Variants in ROBO2 observed in about 807,000 individuals in gnomAD.
ROBO2 encodes roundabout homolog 2.
Under a neutral mutation model 160.8 loss-of-function variants are expected in ROBO2, and 53 were observed. The ratio of observed to expected loss-of-function variants is 0.33; its 90% CI spans 0.26 to 0.41. The LOEUF is 0.41. Among genes scored for constraint, ROBO2 ranks in the 10% least tolerant of loss-of-function variants. The pLI is 1.00. For synonymous variants in ROBO2, 664 were observed against 611.7 expected, an observed-to-expected ratio of 1.09 and a Z score of -1.26; for missense variants, 1,577 against 1,722.4, an observed-to-expected ratio of 0.92 and a Z score of 1.49.
At chr3:76,157,014 T>C (rs1484054636) in intron 2 of ROBO2, among the ~76,000 whole-genome samples, 1 of 152,040 alleles carries the variant, frequency 6.6e-6, no homozygotes, top group African/African-American at 2.4e-5. Flanking sequence ...CAGTTGTAAT[T>C]AAAGTATGTG....
chr3:76,784,462 T>C (rs1387386874), intron 2 of ROBO2, among the ~76,000 whole-genome samples: 1 of 151,150 alleles, frequency 6.6e-6, no homozygotes, highest in African/African-American at 2.4e-5. Context: ...CCTAATGCAT[T>C]TAAACTAGCA....
At chr3:76,320,758 A>G (rs1411656916) in intron 2 of ROBO2, among the ~76,000 whole-genome samples, 1 of 152,194 alleles carries the variant, frequency 6.6e-6, no homozygotes, top group African/African-American at 2.4e-5. Context: ...ACCAGTGTGG[A>G]GAAACATACA....
chr3:76,164,743 G>T (rs556546174), intron 2 of ROBO2, among the ~76,000 whole-genome samples: 123 of 152,306 alleles, frequency 8.1e-4, no homozygotes, highest in Non-Finnish European at 1.1e-3. Flanking sequence ...CACGGGAAGA[G>T]AATATTTGCA....
At chr3:77,246,156 C>G (rs549378646) in intron 2 of ROBO2, among the ~76,000 whole-genome samples, 26 of 152,198 alleles carry the variant, frequency 1.7e-4, no homozygotes, top group Non-Finnish European at 3.2e-4. Context: ...TTTAGGACTT[C>G]CTGCCTCATG....
At chr3:77,503,116 A>G (rs1005972912) in intron 5 of ROBO2, among the ~76,000 whole-genome samples, 1 of 152,080 alleles carries the variant, frequency 6.6e-6, no homozygotes, top group African/African-American at 2.4e-5. Context: ...GAGGGGATGG[A>G]TAGATACCCC....
At chr3:77,181,820 A>C (rs944918775) in intron 2 of ROBO2, among the ~76,000 whole-genome samples, 2 of 152,102 alleles carry the variant, frequency 1.3e-5, no homozygotes, top group African/African-American at 4.8e-5. Flanking sequence ...TAAAATGCGA[A>C]GTCTCATATC....
intron 2 of ROBO2, among the ~76,000 whole-genome samples, chr3:76,253,993 A>G (rs1031714469): frequency 6.6e-6 from 1 of 152,124 alleles, no homozygotes; most frequent in African/African-American, 2.4e-5. Flanking sequence ...GTAATGTGAT[A>G]TGCTATGATA....
chr3:76,174,771 T>C (rs186232224), intron 2 of ROBO2, among the ~76,000 whole-genome samples: 2 of 152,272 alleles, frequency 1.3e-5, no homozygotes, highest in East Asian at 3.9e-4. Context: ...TGTAGCCTTA[T>C]AGTATAGTTT....
intron 2 of ROBO2, among the ~76,000 whole-genome samples, chr3:77,143,492 G>A (rs920179607): frequency 3.3e-5 from 5 of 151,934 alleles, no homozygotes; most frequent in African/African-American, 9.7e-5. Context: ...CACTGCGTCC[G>A]GCCCCACAGC....
At chr3:76,446,202 C>A (rs186969425) in intron 2 of ROBO2, among the ~76,000 whole-genome samples, 3 of 152,142 alleles carry the variant, frequency 2.0e-5, no homozygotes, top group African/African-American at 7.2e-5. Flanking sequence ...TCTCAGGATA[C>A]AAAATCAATG....
chr3:76,246,148 AT>A (rs1045605191), intron 2 of ROBO2, among the ~76,000 whole-genome samples: 1 of 151,710 alleles, frequency 6.6e-6, no homozygotes, highest in African/African-American at 2.4e-5. Context: ...AAACCAGATT[AT>A]TTTTTCAATG....
chr3:77,094,984 G>C (rs978037598), intron 1 of ROBO2, among the ~76,000 whole-genome samples: 1 of 151,936 alleles, frequency 6.6e-6, no homozygotes, highest in Non-Finnish European at 1.5e-5. Flanking sequence ...GATTCTGTGG[G>C]TAGTATTCTT....
chr3:76,696,061 T>A (rs1468583895), intron 2 of ROBO2, among the ~76,000 whole-genome samples: 3 of 152,192 alleles, frequency 2.0e-5, no homozygotes, highest in African/African-American at 7.2e-5. Flanking sequence ...TCCCTTGTGA[T>A]CTCTCATCAA....
chr3:77,615,605 T>C (rs2094754433), intron 21 of ROBO2, among the ~76,000 whole-genome samples: 3 of 152,214 alleles, frequency 2.0e-5, no homozygotes, highest in Admixed American at 1.3e-4. Context: ...GTACCTTTTT[T>C]AGACCTTTCA....
intron 2 of ROBO2, among the ~76,000 whole-genome samples, chr3:76,634,981 C>CCTGATGAT (rs1347835522): frequency 2.0e-5 from 3 of 152,140 alleles, no homozygotes; most frequent in African/African-American, 4.8e-5. Context: ...CAATATAATG[C>CCTGATGAT]CTGATGATCT....
At chr3:76,907,079 T>G (rs2075655607) in intron 2 of ROBO2, among the ~76,000 whole-genome samples, 1 of 152,158 alleles carries the variant, frequency 6.6e-6, no homozygotes. Context: ...TCCCCAAGTG[T>G]CTATAATATT....
At chr3:77,125,335 TTTGAAGCATAAATCACTACA>T (rs527422170) in intron 2 of ROBO2, among the ~76,000 whole-genome samples, 16 of 152,274 alleles carry the variant, frequency 1.1e-4, no homozygotes, top group Admixed American at 1.0e-3. Flanking sequence ...GAGATTTGCT[TTTGAAGCATAAATCACTACA>T]AATTTCAACC....
chr3:76,315,444 T>G (rs147884916), intron 2 of ROBO2, among the ~76,000 whole-genome samples: 1 of 152,308 alleles, frequency 6.6e-6, no homozygotes, highest in African/African-American at 2.4e-5. Flanking sequence ...TATGAGCACA[T>G]ACTACGGTAT....
At chr3:76,627,338 A>G (rs12633793) in intron 2 of ROBO2, among the ~76,000 whole-genome samples, 91,812 of 152,012 alleles carry the variant, frequency 0.6, 27,909 homozygotes, top group East Asian at 0.73. Context: ...CAAAGAGCAA[A>G]TCTAAATGGG....
Sources: gnomAD v4.1 joint callset for allele counts (sites outside exome capture counted in the v4.1 genomes callset) on GRCh38, gnomAD v4.1.1 for gene constraint, MANE v1.5 for transcripts, NCBI Gene and HGNC (gene_info 2026-07-23, HGNC 2026-07-21) for gene names.